PTPRO: variants seen among roughly 807,000 people sequenced by gnomAD.
PTPRO encodes the protein receptor-type tyrosine-protein phosphatase O.
Under a neutral mutation model 145.2 loss-of-function variants are expected in PTPRO, and 62 were observed. The observed-to-expected ratio is 0.43, with a 90% CI of 0.35 to 0.53. The LOEUF is 0.53. Among genes scored for constraint, PTPRO ranks in the 20% least tolerant of loss-of-function variants. PTPRO has a pLI of 0.01. For synonymous variants in PTPRO, 565 were observed against 514.7 expected (o/e 1.10, Z -1.32); for missense variants, 1,345 against 1,482.7 (o/e 0.91, Z 1.53).
At chr12:15,442,399 G>T (rs185405591) in intron 1 of PTPRO, among the ~76,000 whole-genome samples, 51 of 152,186 alleles carry the variant, frequency 3.4e-4, no homozygotes, top group South Asian at 6.2e-4. Flanking sequence ...ATACTGAATG[G>T]GCAAAAATTG....
At chr12:15,478,907 G>A (rs888501759) in intron 1 of PTPRO, among the ~76,000 whole-genome samples, 6 of 152,098 alleles carry the variant, frequency 3.9e-5, no homozygotes, top group African/African-American at 9.7e-5. Flanking sequence ...TCCTGATCTC[G>A]TGATCCGCCC....
intron 3 of PTPRO, among the ~76,000 whole-genome samples, chr12:15,498,618 T>C (rs1193437485): frequency 6.6e-6 from 1 of 151,968 alleles, no homozygotes; most frequent in African/African-American, 2.4e-5. Context: ...TTTTAAACTT[T>C]GAAAAAATCA....
At chr12:15,437,222 G>T (rs1386645784) in intron 1 of PTPRO, among the ~76,000 whole-genome samples, 6 of 151,314 alleles carry the variant, frequency 4.0e-5, no homozygotes, top group African/African-American at 9.7e-5. Flanking sequence ...TGCAAAGACT[G>T]GTACAGAGGG....
At chr12:15,377,204 A>G (rs1415827975) in intron 1 of PTPRO, among the ~76,000 whole-genome samples, 3 of 152,122 alleles carry the variant, frequency 2.0e-5, no homozygotes, top group Non-Finnish European at 4.4e-5. Context: ...ATTATAGTAA[A>G]AGAAACAACA....
At chr12:15,453,210 CA>C (rs1178933691) in intron 1 of PTPRO, among the ~76,000 whole-genome samples, 1 of 152,006 alleles carries the variant, frequency 6.6e-6, no homozygotes, top group Non-Finnish European at 1.5e-5. Flanking sequence ...AGGCTGGTCT[CA>C]AACTCCTGAC....
intron 1 of PTPRO, among the ~76,000 whole-genome samples, chr12:15,361,551 A>G (rs1175310731): frequency 6.6e-6 from 1 of 152,148 alleles, no homozygotes; most frequent in Non-Finnish European, 1.5e-5. Context: ...AAGGGTCATT[A>G]ACAGTGTTCT....
chr12:15,592,242 A>G (rs1944568962), intron 25 of PTPRO, among the ~76,000 whole-genome samples: 1 of 152,188 alleles, frequency 6.6e-6, no homozygotes, highest in Non-Finnish European at 1.5e-5. Flanking sequence ...CTGCCAGGTC[A>G]CAAAAGTTAA....
chr12:15,410,751 A>T (rs188297565), intron 1 of PTPRO: 28 of 152,364 alleles, frequency 1.8e-4, no homozygotes, highest in Admixed American at 1.3e-3. Flanking sequence ...TTGAGATTGA[A>T]ATTTAAGATA....
chr12:15,375,987 A>G (rs1205645033), intron 1 of PTPRO, among the ~76,000 whole-genome samples: 1 of 152,182 alleles, frequency 6.6e-6, no homozygotes, highest in Non-Finnish European at 1.5e-5. Context: ...AGACAAATGA[A>G]TACAGTCTCA....
chr12:15,496,600 A>G (rs888150579), intron 2 of PTPRO, among the ~76,000 whole-genome samples: 10 of 152,204 alleles, frequency 6.6e-5, no homozygotes, highest in African/African-American at 2.4e-4. Flanking sequence ...GAGTATTTTT[A>G]AAGTTTTCCA....
rs1348701365 is a variant in PTPRO at position 15,416,824 on chromosome 12, G to A, written c.76-67150G>A. On this transcript the variant is annotated intron_variant, in intron 1 of 26. Coordinates refer to ENST00000281171, the MANE Select transcript of PTPRO (RefSeq NM_030667.3). ...TAAACAACTACACTTGGGATCCCAGGCCTTCCCTTCATTACCCTTATGAAT... is the reference window on the plus strand; with the variant it reads ...TAAACAACTACACTTGGGATCCCAGACCTTCCCTTCATTACCCTTATGAAT... Among the ~76,000 whole-genome samples, 2 of 150,850 alleles carry A rather than the reference G, an allele frequency of 1.3e-5. 1 individual carries two copies. Among genetic ancestry groups the A allele is most frequent in the African/African-American group, 4.9e-5 (2 of 40,486 alleles).
chr12:15,515,801 A>G (rs546619745), intron 8 of PTPRO, among the ~76,000 whole-genome samples, 183 bp downstream of exon 8: 22 of 152,186 alleles, frequency 1.4e-4, no homozygotes, highest in South Asian at 1.2e-3. Flanking sequence ...CTTAATATTT[A>G]TTACTTGGGG....
intron 23 of PTPRO, among the ~76,000 whole-genome samples, chr12:15,583,062 C>T (rs1944354345): frequency 6.6e-6 from 1 of 152,172 alleles, no homozygotes; most frequent in Non-Finnish European, 1.5e-5. Context: ...AGATGTTCTT[C>T]CCTGCTTAGA....
chr12:15,352,977 G>A (rs1274671163), intron 1 of PTPRO, among the ~76,000 whole-genome samples: 2 of 152,094 alleles, frequency 1.3e-5, no homozygotes, highest in African/African-American at 2.4e-5. Context: ...CGGAAAATAT[G>A]TCTTAGGAAT....
At chr12:15,593,414 C>A (rs1226762313) in intron 25 of PTPRO, among the ~76,000 whole-genome samples, 1 of 152,164 alleles carries the variant, frequency 6.6e-6, no homozygotes, top group Non-Finnish European at 1.5e-5. Flanking sequence ...TGAAATTACC[C>A]TTACTTCTTG....
intron 1 of PTPRO, among the ~76,000 whole-genome samples, chr12:15,323,459 T>C (rs1400599097): frequency 1.3e-5 from 2 of 152,194 alleles, no homozygotes; most frequent in Admixed American, 1.3e-4. Context: ...AATAATAAAC[T>C]TTTTCGTATC....
intron 5 of PTPRO, 150 bp downstream of exon 5, chr12:15,502,213 CAA>C: frequency 1.2e-6 from 1 of 808,376 alleles, no homozygotes. Flanking sequence ...ATTGAGTATC[CAA>C]TGCAGACTGA....
chr12:15,448,343 A>AAAAAAAAAAAAAAT (rs1940958919), intron 1 of PTPRO, among the ~76,000 whole-genome samples: 4 of 145,860 alleles, frequency 2.7e-5, no homozygotes, highest in Non-Finnish European at 4.6e-5. Flanking sequence ...TCCTAGTAAA[A>AAAAAAAAAAAAAAT]AAAAAAAAAA....
chr12:15,433,638 G>A (rs1318058593), intron 1 of PTPRO, among the ~76,000 whole-genome samples: 2 of 152,092 alleles, frequency 1.3e-5, no homozygotes, highest in African/African-American at 4.8e-5. Flanking sequence ...GCTTGTTTTT[G>A]TCAGCTTTGT....
Sources: allele counts gnomAD v4.1 joint callset (sites outside exome capture counted in the v4.1 genomes callset), GRCh38; gene constraint gnomAD v4.1.1; transcripts MANE v1.5; gene names NCBI Gene and HGNC (gene_info 2026-07-23, HGNC 2026-07-21).